The following FGF14 variants were observed in gnomAD, a reference collection of about 807,000 sequenced individuals.
FGF14 encodes the protein fibroblast growth factor 14.
In FGF14, 5 loss-of-function variants were observed where a neutral mutation model predicts 25.5. The ratio of observed to expected loss-of-function variants is 0.20; its 90% CI spans 0.10 to 0.41. The LOEUF is 0.41. Ranked by LOEUF, FGF14 falls within the 10% of genes least tolerant of loss-of-function variation. The probability of loss-of-function intolerance (pLI) is 1.00; values close to 1 mark genes in which losing one functional copy is unlikely to be tolerated. For synonymous variants in FGF14, 138 were observed against 118.3 expected (o/e 1.17, Z -1.08); for missense variants, 222 against 320.1 (o/e 0.69, Z 2.34).
chr13:102,187,570 G>T (rs1159009624), intron 1 of FGF14, among the ~76,000 whole-genome samples: 1 of 152,110 alleles, frequency 6.6e-6, no homozygotes, highest in Non-Finnish European at 1.5e-5. Context: ...CCCCATCATT[G>T]CCCTTCATCT....
intron 1 of FGF14, among the ~76,000 whole-genome samples, chr13:102,133,631 T>A (rs1265767576): frequency 1.3e-5 from 2 of 152,324 alleles, no homozygotes; most frequent in East Asian, 1.9e-4. Context: ...AAGTTGCAAA[T>A]CTTTTTAAAA....
At chr13:102,299,583 T>G (rs1211669532) in intron 1 of FGF14, among the ~76,000 whole-genome samples, 1 of 152,076 alleles carries the variant, frequency 6.6e-6, no homozygotes, top group African/African-American at 2.4e-5. Context: ...AATTTCTACC[T>G]GCACCTTTCC....
rs192462235 is a variant in FGF14 at position 101,915,777 on chromosome 13, G to A, written c.193+676C>T. On this transcript the variant is annotated intron_variant, in intron 1 of 4. Coordinates refer to ENST00000376143, the MANE Select transcript of FGF14 (RefSeq NM_004115.4). ...TTAGGGATTTTTACTTCTGCCCCCC[G>A]CTCCCCGCAATTCGGATTCTTTCTT... 2.4e-3 allele frequency among the ~76,000 whole-genome samples: 365 copies of A among 152,194 alleles called. 3 individuals are homozygous for A. Among genetic ancestry groups the A allele is most frequent in the African/African-American group, 8.1e-3 (335 of 41,506 alleles).
At chr13:101,891,380 A>C (rs1177281158) in intron 1 of FGF14, among the ~76,000 whole-genome samples, 2 of 152,152 alleles carry the variant, frequency 1.3e-5, no homozygotes, top group Admixed American at 6.5e-5. Context: ...ATCCCAGAAT[A>C]CTTTATAGCC....
At chr13:102,308,184 T>C (rs1461149463) in intron 1 of FGF14, among the ~76,000 whole-genome samples, 2 of 152,084 alleles carry the variant, frequency 1.3e-5, no homozygotes, top group Middle Eastern at 3.2e-3. Flanking sequence ...GCCAGATATC[T>C]CCCTAAGATA....
At chr13:101,993,856 C>A (rs2039038212) in intron 1 of FGF14, among the ~76,000 whole-genome samples, 1 of 151,818 alleles carries the variant, frequency 6.6e-6, no homozygotes, top group Non-Finnish European at 1.5e-5. Context: ...ACCAACATGG[C>A]ACATGTACAC....
chr13:102,191,512 A>G (rs1454641854), intron 1 of FGF14, among the ~76,000 whole-genome samples: 1 of 152,138 alleles, frequency 6.6e-6, no homozygotes, highest in Non-Finnish European at 1.5e-5. Context: ...TAATCCCATC[A>G]TGAGTTCCCA....
At chr13:102,144,199 G>A (rs144066011) in intron 1 of FGF14, among the ~76,000 whole-genome samples, 2 of 152,034 alleles carry the variant, frequency 1.3e-5, no homozygotes, top group South Asian at 2.1e-4. Flanking sequence ...TCTATGGCAT[G>A]AGCTACTGTA....
intron 1 of FGF14, among the ~76,000 whole-genome samples, chr13:102,250,394 A>G (rs1015529837): frequency 6.6e-6 from 1 of 152,182 alleles, no homozygotes; most frequent in African/African-American, 2.4e-5. Context: ...TTTGGAATTA[A>G]GTCTGTTTTT....
rs111926125 is a variant in FGF14 at position 101,825,325 on chromosome 13, T to C, written c.408+43400A>G. On this transcript the variant is annotated intron_variant, in intron 3 of 4. Coordinates refer to ENST00000376143, the MANE Select transcript of FGF14 (RefSeq NM_004115.4). ...GTTGAAGTGTGTGAAGAAAATCACA[T>C]CTGGCATCAGAAGTAAAGATTCTTG... 9.8e-3 allele frequency among the ~76,000 whole-genome samples: 1,497 copies of C among 152,306 alleles called. 24 individuals are homozygous for C. The highest frequency in any genetic ancestry group is 0.034 in the African/African-American group (1,433 of 41,548).
intron 1 of FGF14, among the ~76,000 whole-genome samples, chr13:102,349,779 T>C (rs1017746995): frequency 6.6e-6 from 1 of 152,220 alleles, no homozygotes; most frequent in Non-Finnish European, 1.5e-5. Flanking sequence ...TAGGTTAAAG[T>C]AGGACAAATT....
intron 3 of FGF14, among the ~76,000 whole-genome samples, chr13:101,766,944 G>C (rs2038443435): frequency 6.6e-6 from 1 of 152,028 alleles, no homozygotes; most frequent in African/African-American, 2.4e-5. Context: ...AAATAATACA[G>C]GTAGTTTTCC....
At chr13:101,839,053 C>T (rs1044303669) in intron 3 of FGF14, among the ~76,000 whole-genome samples, 1 of 151,826 alleles carries the variant, frequency 6.6e-6, no homozygotes, top group African/African-American at 2.4e-5. Flanking sequence ...TAAAAGTCAC[C>T]CAAGGTGTAG....
At chr13:102,093,845 GGAGAT>G (rs1417150187) in intron 1 of FGF14, among the ~76,000 whole-genome samples, 2 of 151,346 alleles carry the variant, frequency 1.3e-5, no homozygotes, top group African/African-American at 2.4e-5. Context: ...AGAGAGGAGA[GGAGAT>G]AAGACTCATG....
chr13:102,056,096 G>A (rs2042417413), intron 1 of FGF14, among the ~76,000 whole-genome samples: 1 of 152,198 alleles, frequency 6.6e-6, no homozygotes, highest in Non-Finnish European at 1.5e-5. Flanking sequence ...TTTGGGTGGG[G>A]ACACAGACAA....
intron 1 of FGF14, among the ~76,000 whole-genome samples, chr13:101,934,840 T>C (rs891225935): frequency 1.6e-4 from 25 of 152,232 alleles, no homozygotes; most frequent in African/African-American, 3.9e-4. Flanking sequence ...AGTATTTCCA[T>C]GGTTCCCACT....
At chr13:102,269,217 C>G (rs1015347379) in intron 1 of FGF14, among the ~76,000 whole-genome samples, 2 of 152,178 alleles carry the variant, frequency 1.3e-5, no homozygotes, top group Non-Finnish European at 2.9e-5. Context: ...GCAAATTCAA[C>G]AGTCAAGGCA....
At chr13:101,942,769 T>A (rs1416664301) in intron 1 of FGF14, among the ~76,000 whole-genome samples, 1 of 152,244 alleles carries the variant, frequency 6.6e-6, no homozygotes, top group East Asian at 1.9e-4. Context: ...TTTCTATGAC[T>A]CTCTCAGGAT....
In FGF14 at chr13:102,283,249, A is replaced by G. The variant is rs553607098; in HGVS notation, c.208+118222T>C. Among the ~76,000 whole-genome samples the G allele has an allele frequency of 3.3e-5, 5 of 152,362 alleles. 1 individual carries two copies. In the South Asian group the frequency reaches 1.0e-3, roughly 32 times the overall value. On this transcript the variant is annotated intron_variant, in intron 1 of 4. Coordinates refer to the FGF14 transcript ENST00000376131. ...AAATTCCATTGGCTATGGCTTGATC[A>G]CATGATCACAACTAGCTACAAGGGA...
Sources: gnomAD v4.1 joint callset for allele counts (sites outside exome capture counted in the v4.1 genomes callset) on GRCh38, gnomAD v4.1.1 for gene constraint, MANE v1.5 for transcripts, NCBI Gene and HGNC (gene_info 2026-07-23, HGNC 2026-07-21) for gene names.